The following NIM1K variants were observed in gnomAD, a reference collection of about 807,000 sequenced individuals.
NIM1K encodes serine/threonine-protein kinase NIM1.
In NIM1K, 35 loss-of-function variants were observed where a neutral mutation model predicts 37.1. The ratio of observed to expected loss-of-function variants is 0.94; its 90% CI spans 0.72 to 1.25. The LOEUF is 1.25. NIM1K is among the 50% of genes most tolerant of loss of function. The pLI is 0.00. For missense variants in NIM1K, 564 were observed against 548.0 expected (o/e 1.03, Z -0.29); for synonymous variants, 234 against 206.6 (o/e 1.13, Z -1.14).
chr5:43,201,124 C>CAAA lies in NIM1K; in HGVS notation c.-695+8729_-695+8731dup, dbSNP rs540562771. ...TGGGCAACAGAGCCAGACAACATCT[C>CAAA]AAAAAAAAAAAAAAAAAATTCATGC... On this transcript the variant is annotated intron_variant, in intron 1 of 3. Coordinates refer to ENST00000326035, the MANE Select transcript of NIM1K (RefSeq NM_153361.4). Among the ~76,000 whole-genome samples, 32 of 83,300 alleles carry CAAA rather than the reference C, an allele frequency of 3.8e-4. No homozygotes were observed. In the East Asian group the frequency reaches 6.0e-3, roughly 16 times the overall value. The allele number at this position is 83,300 out of a possible 152,430, so 54.6% of individuals were successfully genotyped here. A position where few individuals can be genotyped will look rare whatever the true frequency, so the allele number is the denominator to read the frequency against.
rs757805916 is a variant in NIM1K, at chr5:43,245,845, A to G, written c.70A>G (p.Ser24Gly). Residue 24 changes from serine to glycine, a missense_variant, in exon 2 of 4, where the codon AGT (serine) becomes GGT (glycine). By Grantham distance (56) the Ser-to-Gly change is moderately conservative. Coordinates refer to ENST00000326035, the MANE Select transcript of NIM1K (RefSeq NM_153361.4). The stretch of plus-strand genomic sequence containing the variant: ...CTATGCCCGGTGGGATCGGCGCGAC[A>G]GTGTAGAAAGTGGCTGTCAGACCGA... ...PHYARWDRRDSVESGCQTESS... is the reference protein window; with the variant it reads ...PHYARWDRRDGVESGCQTESS... 2.5e-6 allele frequency: 4 copies of G among 1,614,044 alleles called. No homozygotes were observed. In the South Asian group the frequency reaches 3.3e-5, roughly 13 times the overall value.
intron 1 of NIM1K, among the ~76,000 whole-genome samples, chr5:43,237,116 A>G (rs901742842): frequency 2.6e-5 from 4 of 152,248 alleles, no homozygotes; most frequent in Non-Finnish European, 4.4e-5. Context: ...TGCCACACAC[A>G]GAGAATACTC....
At chr5:43,233,152 A>G (rs1561081412) in intron 1 of NIM1K, 2 of 1,309,228 alleles carry the variant, frequency 1.5e-6, no homozygotes, top group Non-Finnish European at 2.2e-6. Flanking sequence ...CTGGCCAATG[A>G]GATGGAGATG....
chr5:43,245,594 G>A lies in NIM1K; in HGVS notation c.-182G>A. On this transcript the variant is annotated 5_prime_UTR_variant, in exon 2 of 4. Transcript: ENST00000326035. ...CTCCTGGCTGGGCTGGGCAGACTCA[G>A]CTACCACGTTCACTGCCTTCCTCTC... The A allele has an allele frequency of 1.8e-6, 1 of 568,184 alleles. No individual in the cohort carries two copies. The highest frequency in any genetic ancestry group is 3.0e-6 in the Non-Finnish European group (1 of 328,776). The allele number at this position is 568,184 out of a possible 1,614,324, so 35.2% of individuals were successfully genotyped here.
chr5:43,260,874 CCT>C (rs1753017685), intron 2 of NIM1K, among the ~76,000 whole-genome samples: 1 of 152,016 alleles, frequency 6.6e-6, no homozygotes, highest in African/African-American at 2.4e-5. Flanking sequence ...GGTTTTCTGT[CCT>C]TGCGATAGTT....
At chr5:43,234,242 TTTCA>T (rs56064948) in intron 1 of NIM1K, among the ~76,000 whole-genome samples, 65,572 of 151,126 alleles carry the variant, frequency 0.43, 15,078 homozygotes, top group Non-Finnish European at 0.5. Flanking sequence ...CGTGTCATTC[TTTCA>T]TTCATTCATT....
At chr5:43,235,524 T>C (rs1752607849) in intron 1 of NIM1K, among the ~76,000 whole-genome samples, 1 of 152,192 alleles carries the variant, frequency 6.6e-6, no homozygotes. Flanking sequence ...AACTCAACTA[T>C]CTATTTTCTG....
intron 2 of NIM1K, among the ~76,000 whole-genome samples, chr5:43,266,739 A>G (rs944596735): frequency 1.3e-5 from 2 of 152,160 alleles, no homozygotes; most frequent in Non-Finnish European, 2.9e-5. Context: ...CTATTTGGCC[A>G]TCTTTGAACC....
intron 1 of NIM1K, among the ~76,000 whole-genome samples, chr5:43,216,344 G>T (rs1752299198): frequency 6.6e-6 from 1 of 151,408 alleles, no homozygotes; most frequent in South Asian, 2.1e-4. Context: ...AAGAAAAGCT[G>T]TATCAGGAGA....
At chr5:43,240,660 C>T (rs913394313) in intron 1 of NIM1K, among the ~76,000 whole-genome samples, 2 of 151,334 alleles carry the variant, frequency 1.3e-5, no homozygotes, top group Admixed American at 6.6e-5. Flanking sequence ...TCTCCTGCCT[C>T]AGTAGCTGGG....
In NIM1K at chr5:43,205,142, G is replaced by A. The variant is rs191933630; in HGVS notation, c.-695+12731G>A. ...GGACTTCATGGCAGTGGCCTGTTTCGTAGTGTTAGGTTCCACTGCACACCA... is the reference window on the plus strand; with the variant it reads ...GGACTTCATGGCAGTGGCCTGTTTCATAGTGTTAGGTTCCACTGCACACCA... On this transcript the variant is annotated intron_variant, in intron 1 of 3. Coordinates refer to ENST00000326035, the MANE Select transcript of NIM1K (RefSeq NM_153361.4). Among the ~76,000 whole-genome samples, 97 of 152,290 alleles carry A rather than the reference G, an allele frequency of 6.4e-4. 1 individual carries two copies. The highest frequency in any genetic ancestry group is 1.0e-3 in the African/African-American group (42 of 41,572).
intron 2 of NIM1K, among the ~76,000 whole-genome samples, chr5:43,264,322 A>G (rs1255749814): frequency 6.6e-6 from 1 of 152,194 alleles, no homozygotes; most frequent in Non-Finnish European, 1.5e-5. Flanking sequence ...GGATGCGTAT[A>G]TGTTTAGGAT....
Position 43,245,727 on chromosome 5 carries a change from T to C in NIM1K, c.-49T>C. Reference sequence around the variant, plus strand: ...CCACCCTCTGAGCCTCTTCTGCTCCTGCACAACCTGCCTCTTCGCTGAGAT... The same window carrying C: ...CCACCCTCTGAGCCTCTTCTGCTCCCGCACAACCTGCCTCTTCGCTGAGAT... On this transcript the variant is annotated 5_prime_UTR_variant, in exon 2 of 4. Coordinates refer to ENST00000326035, the MANE Select transcript of NIM1K (RefSeq NM_153361.4). 2.0e-6 allele frequency: 3 copies of C among 1,527,922 alleles called. No individual in the cohort carries two copies. The highest frequency in any genetic ancestry group is 2.6e-5 in the South Asian group (2 of 77,840). 94.6% of individuals were successfully genotyped at this position (1,527,922 alleles called of 1,614,324 possible).
intron 1 of NIM1K, among the ~76,000 whole-genome samples, chr5:43,208,511 G>A (rs1298871882): frequency 6.6e-5 from 10 of 151,972 alleles, no homozygotes; most frequent in African/African-American, 2.2e-4. Flanking sequence ...GCTGAGGCAG[G>A]AGAATCGCTT....
chr5:43,276,743 G>A (rs1753347280), intron 2 of NIM1K, among the ~76,000 whole-genome samples: 3 of 152,242 alleles, frequency 2.0e-5, no homozygotes, highest in African/African-American at 7.2e-5. Context: ...GATGGACAGT[G>A]AGGCTGATGA....
intron 2 of NIM1K, among the ~76,000 whole-genome samples, chr5:43,260,102 A>G (rs1753005605): frequency 6.6e-6 from 1 of 152,146 alleles, no homozygotes; most frequent in African/African-American, 2.4e-5. Context: ...TTTTAAAAAA[A>G]GAGAAAAATC....
rs113558185 is a variant in NIM1K at position 43,200,546 on chromosome 5, C to T, written c.-695+8135C>T. Among the ~76,000 whole-genome samples, 1,065 of 152,154 alleles carry T rather than the reference C, an allele frequency of 7.0e-3. 13 individuals carry two copies. Among genetic ancestry groups the T allele is most frequent in the African/African-American group, 0.025 (1,019 of 41,524 alleles). ...TGACCTCCCGACCTCGTGATCTGCC[C>T]GCCTCAGCCTCCCAAAGTGATGAGA... On this transcript the variant is annotated intron_variant, in intron 1 of 3. Transcript: ENST00000326035.
At chr5:43,218,024 T>G (rs2112226688) in intron 1 of NIM1K, among the ~76,000 whole-genome samples, 1 of 151,378 alleles carries the variant, frequency 6.6e-6, no homozygotes, top group South Asian at 2.1e-4. Flanking sequence ...CTATTTTTCT[T>G]TTTTTGAGAC....
At chr5:43,267,795 C>G (rs1384368002) in intron 2 of NIM1K, among the ~76,000 whole-genome samples, 1 of 151,910 alleles carries the variant, frequency 6.6e-6, no homozygotes, top group Admixed American at 6.6e-5. Flanking sequence ...TAGTTTTTTC[C>G]TACTGTGGTC....
Sources: allele counts gnomAD v4.1 joint callset (sites outside exome capture counted in the v4.1 genomes callset), GRCh38; gene constraint gnomAD v4.1.1; transcripts MANE v1.5; gene names NCBI Gene and HGNC (gene_info 2026-07-23, HGNC 2026-07-21).